The following INSC variants were observed in gnomAD, a reference collection of about 807,000 sequenced individuals.
The protein encoded by INSC is protein inscuteable homolog.
INSC carries 67 observed loss-of-function variants against 58.6 expected under a neutral mutation model. The observed-to-expected ratio is 1.14, with a 90% CI of 0.94 to 1.40. INSC has a LOEUF of 1.40. Ranked by LOEUF, INSC falls within the 40% of genes most tolerant of loss-of-function variation. The probability of loss-of-function intolerance (pLI) is 0.00; values close to 1 mark genes in which losing one functional copy is unlikely to be tolerated. For missense variants in INSC, 714 were observed against 692.0 expected (o/e 1.03, Z -0.36); for synonymous variants, 262 against 276.1 (o/e 0.95, Z 0.51).
chr11:15,150,246 C>T lies in INSC; in HGVS notation c.56+1016C>T, dbSNP rs531205715. ...GCATGGTCCACATACACAGAGAAGGCGCATGTGTAGTTACAGGATGTCAGA... is the reference window on the plus strand; with the variant it reads ...GCATGGTCCACATACACAGAGAAGGTGCATGTGTAGTTACAGGATGTCAGA... On this transcript the variant is annotated intron_variant, in intron 2 of 12. Coordinates refer to ENST00000379556, the MANE Select transcript of INSC (RefSeq NM_001042536.3). 5.8e-4 allele frequency among the ~76,000 whole-genome samples: 88 copies of T among 152,204 alleles called. 1 individual carries two copies. The highest frequency in any genetic ancestry group is 5.9e-4 in the Non-Finnish European group (40 of 68,010).
intron 1 of INSC, among the ~76,000 whole-genome samples, chr11:15,133,225 G>C (rs1191982584): frequency 6.6e-6 from 1 of 152,002 alleles, no homozygotes; most frequent in Non-Finnish European, 1.5e-5. Flanking sequence ...CTGCGTCTTG[G>C]TTAAGTTCTT....
Position 15,200,904 on chromosome 11 carries a change from G to T in INSC, c.774G>T (p.Leu258=), listed in dbSNP as rs772842019. 1.9e-6 allele frequency: 3 copies of T among 1,613,354 alleles called. No individual in the cohort carries two copies. The highest frequency in any genetic ancestry group is 2.5e-6 in the Non-Finnish European group (3 of 1,179,904). The change falls in exon 7 of 13, where the codon CTG becomes CTT. Residue 258 remains leucine (L), a synonymous_variant. Transcript: ENST00000379556. The part of the protein sequence containing the change: ...RCLYPQALRT[L]ASICCVEEGV... ...TGTACCCCCAGGCGCTCCGCACGCT[G>T]GCCTCCATCTGCTGCGTGGAAGAGG...
intron 1 of INSC, among the ~76,000 whole-genome samples, chr11:15,135,625 A>G (rs1273897271): frequency 6.6e-6 from 1 of 152,194 alleles, no homozygotes; most frequent in Non-Finnish European, 1.5e-5. Context: ...AATGTCCCAT[A>G]CTACTTTGGT....
intron 6 of INSC, among the ~76,000 whole-genome samples, chr11:15,197,985 A>G (rs1382585118): frequency 6.7e-6 from 1 of 149,182 alleles, no homozygotes; most frequent in African/African-American, 2.4e-5. Context: ...TCCCAGCTTC[A>G]CTCCAGGATG....
At chr11:15,144,996 A>G (rs969709214) in intron 1 of INSC, among the ~76,000 whole-genome samples, 2 of 152,184 alleles carry the variant, frequency 1.3e-5, no homozygotes, top group Non-Finnish European at 2.9e-5. Context: ...TTTTCAGTGA[A>G]TTAGGAAAGG....
Position 15,243,312 on chromosome 11 carries a change from G to A in INSC, c.1471-2600G>A, listed in dbSNP as rs530755726. 1.8e-4 allele frequency among the ~76,000 whole-genome samples: 27 copies of A among 152,300 alleles called. No homozygotes were observed. In the East Asian group the frequency reaches 4.6e-3, roughly 26 times the overall value. On this transcript the variant is annotated intron_variant, in intron 12 of 12. Coordinates refer to ENST00000379556, the MANE Select transcript of INSC (RefSeq NM_001042536.3). Reference sequence around the variant, plus strand: ...TTCCCAGCTTCAAAGGCTCCCTTCAGGTAGAGGGAGGAAGTTTCACTTATT... The same window carrying A: ...TTCCCAGCTTCAAAGGCTCCCTTCAAGTAGAGGGAGGAAGTTTCACTTATT...
At chr11:15,189,313 T>A (rs981837457) in intron 5 of INSC, among the ~76,000 whole-genome samples, 17 of 152,160 alleles carry the variant, frequency 1.1e-4, no homozygotes, top group Non-Finnish European at 1.9e-4. Context: ...TTGACAACCT[T>A]AAAAAATGGG....
chr11:15,119,880 T>TGA (rs1284421949), intron 1 of INSC, among the ~76,000 whole-genome samples: 1 of 152,254 alleles, frequency 6.6e-6, no homozygotes, highest in South Asian at 2.1e-4. Flanking sequence ...TAAGGCAATG[T>TGA]GGTGCTTGAA....
intron 9 of INSC, among the ~76,000 whole-genome samples, chr11:15,231,253 G>A (rs756962721): frequency 6.6e-6 from 1 of 152,224 alleles, no homozygotes; most frequent in African/African-American, 2.4e-5. Context: ...AGGAAGTGGT[G>A]TGGAGGGAAG....
rs772842019 is a variant in INSC at position 15,200,904 on chromosome 11, G to A, written c.774G>A (p.Leu258=). The change falls in exon 7 of 13, where the codon CTG becomes CTA. Residue 258 remains leucine, a synonymous_variant. Coordinates refer to ENST00000379556, the MANE Select transcript of INSC (RefSeq NM_001042536.3). ...RCLYPQALRT[L]ASICCVEEGV... Reference sequence around the variant, plus strand: ...TGTACCCCCAGGCGCTCCGCACGCTGGCCTCCATCTGCTGCGTGGAAGAGG... The same window carrying A: ...TGTACCCCCAGGCGCTCCGCACGCTAGCCTCCATCTGCTGCGTGGAAGAGG... The A allele has an allele frequency of 6.2e-7, 1 of 1,613,474 alleles. No homozygotes were observed. Among genetic ancestry groups the A allele is most frequent in the Non-Finnish European group, 8.5e-7 (1 of 1,179,896 alleles).
intron 2 of INSC, among the ~76,000 whole-genome samples, chr11:15,156,025 G>T (rs1266538207): frequency 5.9e-5 from 9 of 152,186 alleles, no homozygotes; most frequent in Admixed American, 5.2e-4. Context: ...AAGGGCAGAG[G>T]CAGGGCAAGG....
At chr11:15,265,329 C>T in the INSC span, among the ~76,000 whole-genome samples, 66 of 152,112 alleles carry the variant, frequency 4.3e-4, no homozygotes, top group South Asian at 1.4e-3. Context: ...GGAATAAAGT[C>T]ATGCTATCTT....
chr11:15,236,295 T>TG (rs985898182), intron 10 of INSC, among the ~76,000 whole-genome samples: 9 of 148,510 alleles, frequency 6.1e-5, no homozygotes, highest in African/African-American at 7.4e-5. Flanking sequence ...AGTCTCAGGG[T>TG]GGGGGGGTGG....
At chr11:15,193,911 T>A (rs760749257) in intron 6 of INSC, among the ~76,000 whole-genome samples, 10 of 150,822 alleles carry the variant, frequency 6.6e-5, no homozygotes, top group Non-Finnish European at 1.3e-4. Context: ...TCTGCAGTAG[T>A]TCACCTACAT....
At chr11:15,204,907 A>C (rs776251034) in intron 7 of INSC, among the ~76,000 whole-genome samples, 1 of 152,214 alleles carries the variant, frequency 6.6e-6, no homozygotes, top group Non-Finnish European at 1.5e-5. Context: ...TAAATCCTGC[A>C]CAGCCCCCAG....
At chr11:15,113,121 C>CTTTT (rs150059229), upstream of INSC, among the ~76,000 whole-genome samples, 1 of 110,008 alleles carries the variant, frequency 9.1e-6, no homozygotes, top group African/African-American at 3.5e-5. Context: ...CTCTCTCTCT[C>CTTTT]TTTCTTTCTT....
intron 2 of INSC, among the ~76,000 whole-genome samples, chr11:15,155,922 G>A (rs1848799940): frequency 6.6e-6 from 1 of 152,136 alleles, no homozygotes; most frequent in South Asian, 2.1e-4. Context: ...TTCTGAGCTG[G>A]GAAAATTGTT....
intron 5 of INSC, chr11:15,184,320 T>C (rs1471024501): frequency 4.4e-5 from 7 of 157,876 alleles, no homozygotes; most frequent in East Asian, 1.9e-4. Flanking sequence ...ATTTTTTTTT[T>C]CCCATAGAGA....
chr11:15,112,473 A>T (rs1847589850), upstream of INSC: 1 of 1,605,868 alleles, frequency 6.2e-7, no homozygotes, highest in African/African-American at 1.3e-5. Flanking sequence ...TGGAGCCATG[A>T]GACGGCCCCC....
Sources: gnomAD v4.1 joint callset for allele counts (sites outside exome capture counted in the v4.1 genomes callset) on GRCh38, gnomAD v4.1.1 for gene constraint, MANE v1.5 for transcripts, NCBI Gene and HGNC (gene_info 2026-07-23, HGNC 2026-07-21) for gene names.